GBE1: variants seen among roughly 807,000 people sequenced by gnomAD.
GBE1 encodes 1,4-alpha-glucan-branching enzyme.
Under a neutral mutation model 88.8 loss-of-function variants are expected in GBE1, and 70 were observed. That is an observed-to-expected ratio of 0.79 (90% confidence interval 0.65 to 0.96). The LOEUF is 0.96. GBE1 is among the 40% of genes least tolerant of loss of function. The pLI, the probability that GBE1 is intolerant of heterozygous loss-of-function variation, is 0.00. For missense variants in GBE1, 872 were observed against 871.0 expected (o/e 1.00, Z -0.01); for synonymous variants, 284 against 300.1 (o/e 0.95, Z 0.56).
intron 12 of GBE1, among the ~76,000 whole-genome samples, chr3:81,540,871 TGA>T (rs1403387609): frequency 2.0e-5 from 3 of 152,038 alleles, no homozygotes; most frequent in African/African-American, 7.2e-5. Context: ...GCAAAGCCTC[TGA>T]ATAAGCTCTC....
At chr3:81,753,153 A>G (rs1013763473) in intron 1 of GBE1, among the ~76,000 whole-genome samples, 5 of 152,232 alleles carry the variant, frequency 3.3e-5, no homozygotes, top group African/African-American at 9.6e-5. Flanking sequence ...GATGTATAAC[A>G]TATTTTAAAA....
chr3:81,712,814 A>G (rs1176153129), intron 1 of GBE1, among the ~76,000 whole-genome samples: 3 of 151,938 alleles, frequency 2.0e-5, no homozygotes, highest in African/African-American at 7.2e-5. Context: ...AAATAAATAA[A>G]TAAATAAATA....
intron 12 of GBE1, among the ~76,000 whole-genome samples, chr3:81,572,926 G>A (rs1703593818): frequency 6.6e-6 from 1 of 152,040 alleles, no homozygotes; most frequent in Non-Finnish European, 1.5e-5. Context: ...TACTCCCTCT[G>A]CCTCAGCTGA....
chr3:81,670,935 G>A lies in GBE1; in HGVS notation c.332C>T (p.Ser111Leu), dbSNP rs775083576. 1.4e-5 allele frequency: 22 copies of A among 1,552,722 alleles called. No individual in the cohort carries two copies. Among genetic ancestry groups the A allele is most frequent in the East Asian group, 4.7e-5 (2 of 42,526 alleles). Residue 111 changes from serine (S) to leucine (L), a missense_variant, in exon 3 of 16, where the codon TCG becomes TTG. Physicochemically the swap from Ser to Leu is moderately radical, Grantham distance 145 (BLOSUM62 -2). Transcript: ENST00000429644. ...TGDFNGWNPF[S>L]YPYKKLDYGK... ...ATAATCCAGTTTTTTGTATGGGTAC[G>A]AAAATGGATTCCAACCATCTAAAAA... is the stretch of plus-strand genomic sequence containing the variant.
intron 12 of GBE1, among the ~76,000 whole-genome samples, chr3:81,552,119 T>C (rs1703279875): frequency 6.6e-6 from 1 of 152,252 alleles, no homozygotes; most frequent in African/African-American, 2.4e-5. Context: ...ATCAATCCTT[T>C]GTGTTATCTA....
intron 1 of GBE1, among the ~76,000 whole-genome samples, chr3:81,706,965 A>G (rs1249942594): frequency 1.3e-5 from 2 of 152,038 alleles, no homozygotes; most frequent in Non-Finnish European, 2.9e-5. Flanking sequence ...ATTTGAATAT[A>G]TTAAAAAGAA....
At chr3:81,738,542 A>C (rs1706306200) in intron 1 of GBE1, among the ~76,000 whole-genome samples, 1 of 152,040 alleles carries the variant, frequency 6.6e-6, no homozygotes, top group South Asian at 2.1e-4. Flanking sequence ...TTTTTAAAAA[A>C]AAAGACTCTT....
intron 12 of GBE1, among the ~76,000 whole-genome samples, chr3:81,543,354 T>C (rs1296130534): frequency 5.5e-4 from 83 of 152,108 alleles, no homozygotes; most frequent in African/African-American, 2.4e-5. Flanking sequence ...TTCTCTGTTG[T>C]AAACGAGCTG....
chr3:81,752,883 T>A (rs1357073445), intron 1 of GBE1, among the ~76,000 whole-genome samples: 1 of 152,184 alleles, frequency 6.6e-6, no homozygotes, highest in Non-Finnish European at 1.5e-5. Context: ...AACAGTAAAA[T>A]CTTCTGAAAG....
intron 12 of GBE1, among the ~76,000 whole-genome samples, chr3:81,577,333 A>G (rs192327304): frequency 4.6e-5 from 7 of 152,272 alleles, no homozygotes; most frequent in Admixed American, 1.3e-4. Context: ...AAAATTTCCT[A>G]AAACTCGAAT....
chr3:81,598,831 T>A (rs1703993349), intron 7 of GBE1, among the ~76,000 whole-genome samples: 1 of 151,818 alleles, frequency 6.6e-6, no homozygotes, highest in South Asian at 2.1e-4. Flanking sequence ...TAATAGAAAT[T>A]TCAGAATGTA....
rs1027458525 is a variant in GBE1 at position 81,537,150 on chromosome 3, A to G, written c.1619-55T>C. ...CCTATTAATATTAGAATTTCTTACT[A>G]ATAATAAATCAATAATTATATGTTT... On this transcript the variant is annotated intron_variant, in intron 12 of 15. Transcript: ENST00000429644. 3 of 1,041,168 alleles carry G rather than the reference A, an allele frequency of 2.9e-6. No individual in the cohort carries two copies. In the African/African-American group the frequency reaches 5.1e-5, roughly 18 times the overall value. The allele number at this position is 1,041,168 out of a possible 1,614,324, so 64.5% of individuals were successfully genotyped here.
intron 12 of GBE1, among the ~76,000 whole-genome samples, chr3:81,546,135 A>G (rs916247892): frequency 1.3e-5 from 2 of 152,114 alleles, no homozygotes; most frequent in African/African-American, 4.8e-5. Context: ...GGTTCAGTAC[A>G]ACATGAAGTT....
intron 2 of GBE1, among the ~76,000 whole-genome samples, chr3:81,693,172 C>A (rs2680271): frequency 0.26 from 39,638 of 151,926 alleles, 6,479 homozygotes; most frequent in African/African-American, 0.46. Context: ...ATTCTCTGGA[C>A]ATATACCTCA....
intron 7 of GBE1, among the ~76,000 whole-genome samples, chr3:81,617,822 T>C (rs1171838293): frequency 1.3e-5 from 2 of 151,958 alleles, no homozygotes; most frequent in South Asian, 2.1e-4. Context: ...TTTCAGAAAA[T>C]TGCCCATTGA....
chr3:81,724,868 A>C (rs753436654), intron 1 of GBE1, among the ~76,000 whole-genome samples: 1 of 152,240 alleles, frequency 6.6e-6, no homozygotes, highest in Non-Finnish European at 1.5e-5. Flanking sequence ...ACTGCATTTA[A>C]ACTTACATAT....
At chr3:81,752,265 T>C (rs368469559) in intron 1 of GBE1, among the ~76,000 whole-genome samples, 17 of 152,350 alleles carry the variant, frequency 1.1e-4, no homozygotes, top group African/African-American at 3.6e-4. Context: ...GCACATATCA[T>C]ATGTTCAGAC....
chr3:81,725,986 G>A (rs574039236), intron 1 of GBE1, among the ~76,000 whole-genome samples: 40 of 151,958 alleles, frequency 2.6e-4, no homozygotes, highest in African/African-American at 7.0e-4. Flanking sequence ...CCAACAAAGT[G>A]ATGCCCAAAA....
intron 14 of GBE1, among the ~76,000 whole-genome samples, chr3:81,533,021 A>T (rs1479533443): frequency 6.6e-6 from 1 of 151,816 alleles, no homozygotes; most frequent in African/African-American, 2.4e-5. Flanking sequence ...TTTTCCATTT[A>T]TTGCATTAAG....
Sources: allele counts gnomAD v4.1 joint callset (sites outside exome capture counted in the v4.1 genomes callset), GRCh38; gene constraint gnomAD v4.1.1; transcripts MANE v1.5; gene names NCBI Gene and HGNC (gene_info 2026-07-23, HGNC 2026-07-21).